Variants in DDX60L observed in about 807,000 individuals in gnomAD.
DDX60L encodes probable ATP-dependent RNA helicase DDX60-like.
In DDX60L, 191 loss-of-function variants were observed where a neutral mutation model predicts 211.6. The observed-to-expected ratio is 0.90, with a 90% CI of 0.80 to 1.02. The LOEUF (loss-of-function observed/expected upper bound fraction) is 1.02. Ranked by LOEUF, DDX60L falls within the 50% of genes least tolerant of loss-of-function variation. The pLI is 0.00. For missense variants in DDX60L, 2,007 were observed against 1,984.1 expected, an observed-to-expected ratio of 1.01 and a Z score of -0.22; for synonymous variants, 706 against 694.1, an observed-to-expected ratio of 1.02 and a Z score of -0.27.
chr4:168,397,838 C>T (rs1746084637), intron 26 of DDX60L, among the ~76,000 whole-genome samples: 1 of 152,212 alleles, frequency 6.6e-6, no homozygotes, highest in Admixed American at 6.5e-5. Flanking sequence ...AAGTCCTGCC[C>T]ACTTCTGAGT....
At chr4:168,474,695 C>A (rs1314020187) in intron 1 of DDX60L, among the ~76,000 whole-genome samples, 1 of 151,980 alleles carries the variant, frequency 6.6e-6, no homozygotes, top group Non-Finnish European at 1.5e-5. Flanking sequence ...AAGACAGAGT[C>A]CAGAAAGACA....
intron 1 of DDX60L, among the ~76,000 whole-genome samples, chr4:168,479,746 G>T (rs1202726708): frequency 6.6e-6 from 1 of 151,464 alleles, no homozygotes; most frequent in Admixed American, 6.6e-5. Context: ...AGGCGGGCGG[G>T]TCACGAGGTC....
intron 10 of DDX60L, among the ~76,000 whole-genome samples, chr4:168,436,483 A>C (rs1457427809): frequency 6.6e-6 from 1 of 152,206 alleles, no homozygotes; most frequent in African/African-American, 2.4e-5. Context: ...ATTCTCCATC[A>C]TCCTGAAGCA....
chr4:168,390,261 T>C, intron 29 of DDX60L: 1 of 1,081,948 alleles, frequency 9.2e-7, no homozygotes, highest in East Asian at 5.6e-5. Context: ...AAGGAGACCA[T>C]AATTCTGAAG....
rs753435296 is a variant in DDX60L, at chr4:168,384,766, A to G, written c.3962T>C (p.Val1321Ala). Residue 1321 changes from valine (V) to alanine (A), a missense_variant, in exon 30 of 38, where the codon GTG becomes GCG. Coordinates refer to ENST00000682922, the MANE Select transcript of DDX60L (RefSeq NM_001012967.3). Reference sequence around the variant, plus strand: ...GGGCAATGGGATATCAAAGAAATACACATTTCCAAGCAGGTCTTGACCTCT... The same window carrying G: ...GGGCAATGGGATATCAAAGAAATACGCATTTCCAAGCAGGTCTTGACCTCT... ...GRRGQDLLGN[V>A]YFFDIPLPKI... The G allele has an allele frequency of 1.2e-6, 2 of 1,613,532 alleles. No homozygotes were observed. Among genetic ancestry groups the G allele is most frequent in the Non-Finnish European group, 1.7e-6 (2 of 1,179,800 alleles).
At chr4:168,472,586 T>A in intron 2 of DDX60L, 62 bp from the exon 3 acceptor site, 1 of 1,573,858 alleles carries the variant, frequency 6.4e-7, no homozygotes, top group Non-Finnish European at 8.7e-7. Flanking sequence ...ATTTAGTAAT[T>A]ATTAAGGAAA....
chr4:168,383,509 A>T (rs1208097801), intron 30 of DDX60L, among the ~76,000 whole-genome samples: 1 of 152,208 alleles, frequency 6.6e-6, no homozygotes, highest in Non-Finnish European at 1.5e-5. Flanking sequence ...TACAGAAATA[A>T]CATTGATTTG....
chr4:168,445,408 G>A (rs917090036), intron 9 of DDX60L, among the ~76,000 whole-genome samples: 1 of 150,810 alleles, frequency 6.6e-6, no homozygotes, highest in African/African-American at 2.4e-5. Context: ...ACCAAAAAGA[G>A]TCCAGGACCA....
Position 168,457,949 on chromosome 4 carries a change from C to T in DDX60L, c.666G>A (p.Arg222=). 6.4e-7 allele frequency: 1 copy of T among 1,572,162 alleles called. No individual in the cohort carries two copies. Among genetic ancestry groups the T allele is most frequent in the Non-Finnish European group, 8.6e-7 (1 of 1,156,562 alleles). ...CAAAATGAGTTGCTAATACTAAAAC[C>T]CTTATTTCTTCCAAGTGTTGTATGA... ...KSLIQHLEEI[R]VLVLATHFEH... Residue 222 remains arginine (R), a synonymous_variant, in exon 6 of 38, where the codon AGG becomes AGA. Transcript: ENST00000682922.
intron 22 of DDX60L, among the ~76,000 whole-genome samples, chr4:168,409,677 C>T (rs534869024): frequency 6.6e-6 from 1 of 152,308 alleles, no homozygotes; most frequent in South Asian, 2.1e-4. Context: ...GTGAGTTTTA[C>T]ATGCCCTTAA....
At chr4:168,361,842 TAAG>T (rs1369157321) in intron 36 of DDX60L, among the ~76,000 whole-genome samples, 4 of 152,174 alleles carry the variant, frequency 2.6e-5, no homozygotes. Context: ...GCCAGAAGTT[TAAG>T]TAGTTTCGTT....
intron 8 of DDX60L, among the ~76,000 whole-genome samples, chr4:168,449,258 A>G (rs1755296915): frequency 6.6e-6 from 1 of 152,030 alleles, no homozygotes; most frequent in African/African-American, 2.4e-5. Context: ...TAAGAGGCAC[A>G]TATACACCAT....
At chr4:168,404,254 A>T (rs914330139) in intron 24 of DDX60L, 148 bp from the exon 25 acceptor site, 21 of 459,786 alleles carry the variant, frequency 4.6e-5, no homozygotes, top group Non-Finnish European at 6.5e-5. Flanking sequence ...TAATATTATC[A>T]AGTAGTGGTA....
At chr4:168,400,758 T>A (rs1267713086) in intron 26 of DDX60L, 68 bp downstream of exon 26, 85 of 1,357,430 alleles carry the variant, frequency 6.3e-5, no homozygotes, top group Non-Finnish European at 1.0e-6. Context: ...TCTAAACATT[T>A]CTGACAGTGT....
At chr4:168,440,293 G>C (rs1753642092) in intron 10 of DDX60L, among the ~76,000 whole-genome samples, 1 of 152,192 alleles carries the variant, frequency 6.6e-6, no homozygotes, top group Admixed American at 6.5e-5. Context: ...CCACATGGAA[G>C]GTGGGAGTTT....
intron 14 of DDX60L, among the ~76,000 whole-genome samples, chr4:168,425,875 C>T (rs921361327): frequency 5.3e-5 from 8 of 152,326 alleles, no homozygotes; most frequent in African/African-American, 1.7e-4. Flanking sequence ...TAAAAGCACA[C>T]ACTACAAGCC....
intron 19 of DDX60L, 148 bp from the exon 20 acceptor site, chr4:168,416,945 C>T (rs2149847015): frequency 2.1e-6 from 1 of 481,918 alleles, no homozygotes; most frequent in Non-Finnish European, 3.7e-6. Context: ...AGACAATAGA[C>T]ATCATGACAC....
intron 29 of DDX60L, among the ~76,000 whole-genome samples, chr4:168,385,338 G>A (rs986100552): frequency 3.3e-5 from 5 of 152,196 alleles, no homozygotes; most frequent in Non-Finnish European, 5.9e-5. Context: ...GGAGTTTCCT[G>A]GAGGGTGGTG....
rs749358149 is a variant in DDX60L, at chr4:168,391,493, T to G, written c.3915+47A>C. On this transcript the variant is annotated intron_variant, in intron 29 of 37. Transcript: ENST00000682922. ...ATGTGAGTGCCACATGGTTCATTAT[T>G]TCAAACTCAGCTTTCAGCAATGGGA... 40 of 1,266,504 alleles carry G rather than the reference T, an allele frequency of 3.2e-5. No homozygotes were observed. The South Asian group carries it at 3.5e-4, about 11-fold the overall frequency. 78.5% of individuals were successfully genotyped at this position (1,266,504 alleles called of 1,614,324 possible).
Sources: allele counts gnomAD v4.1 joint callset (sites outside exome capture counted in the v4.1 genomes callset), GRCh38; gene constraint gnomAD v4.1.1; transcripts MANE v1.5; gene names NCBI Gene and HGNC (gene_info 2026-07-23, HGNC 2026-07-21).